The following COL25A1 variants were observed in gnomAD, a reference collection of about 807,000 sequenced individuals.
The protein encoded by COL25A1 is collagen alpha-1(XXV) chain.
A neutral mutation model predicts 128.4 loss-of-function variants in COL25A1; 103 were observed. The ratio of observed to expected loss-of-function variants is 0.80; its 90% CI spans 0.68 to 0.94. The LOEUF is 0.94. Ranked by LOEUF, COL25A1 falls within the 40% of genes least tolerant of loss-of-function variation. The probability of loss-of-function intolerance (pLI) is 0.00; values close to 1 mark genes in which losing one functional copy is unlikely to be tolerated. For synonymous variants in COL25A1, 279 were observed against 277.2 expected (o/e 1.01, Z -0.06); for missense variants, 745 against 840.0 (o/e 0.89, Z 1.40).
chr4:109,025,226 G>A (rs1193916368), intron 5 of COL25A1, among the ~76,000 whole-genome samples: 1 of 152,164 alleles, frequency 6.6e-6, no homozygotes, highest in Non-Finnish European at 1.5e-5. Flanking sequence ...TGTTTAGTAG[G>A]ATACAATAAA....
In COL25A1 at chr4:109,148,741, C is replaced by G. The variant is rs74838718; in HGVS notation, c.368-98562G>C. 1.4e-4 allele frequency among the ~76,000 whole-genome samples: 21 copies of G among 152,282 alleles called. No individual in the cohort carries two copies. The East Asian group carries it at 3.9e-3, about 28-fold the overall frequency. On this transcript the variant is annotated intron_variant, in intron 3 of 37. Transcript: ENST00000399132. Reference sequence around the variant, plus strand: ...CTTATCGCCACCCTTCAGATGTTTCCATGGCCTTTCCCACTCTGGCTTTAA... The same window carrying G: ...CTTATCGCCACCCTTCAGATGTTTCGATGGCCTTTCCCACTCTGGCTTTAA...
At chr4:109,170,118 T>C (rs986338123) in intron 3 of COL25A1, among the ~76,000 whole-genome samples, 13 of 152,114 alleles carry the variant, frequency 8.5e-5, no homozygotes, top group Non-Finnish European at 1.6e-4. Flanking sequence ...GTTCCATAAA[T>C]TTTATTGAAT....
intron 11 of COL25A1, among the ~76,000 whole-genome samples, chr4:108,927,733 T>A (rs1338097713): frequency 6.6e-6 from 1 of 152,184 alleles, no homozygotes; most frequent in Non-Finnish European, 1.5e-5. Context: ...GAGGAAAATA[T>A]TAAGCCAGGA....
intron 11 of COL25A1, among the ~76,000 whole-genome samples, chr4:108,921,811 T>C (rs904560417): frequency 6.6e-6 from 1 of 152,204 alleles, no homozygotes; most frequent in Non-Finnish European, 1.5e-5. Flanking sequence ...TTTAATTTAC[T>C]CAACCAACTG....
rs371318504 is a variant in COL25A1, at chr4:108,943,983, T to C, written c.493-2546A>G. 2.5e-3 allele frequency among the ~76,000 whole-genome samples: 384 copies of C among 152,324 alleles called. 3 individuals are homozygous for C. Among genetic ancestry groups the C allele is most frequent in the African/African-American group, 8.7e-3 (361 of 41,550 alleles). ...TCTACATTTTCTACATTTTTAATTT[T>C]ATTAGTTTCATGAATATTTCACCCC... On this transcript the variant is annotated intron_variant, in intron 8 of 37. Coordinates refer to ENST00000399132, the MANE Select transcript of COL25A1 (RefSeq NM_198721.4).
chr4:109,187,070 AT>A (rs986452805), intron 3 of COL25A1, among the ~76,000 whole-genome samples: 7 of 152,210 alleles, frequency 4.6e-5, no homozygotes, highest in Non-Finnish European at 1.0e-4. Flanking sequence ...AAGGCAAATG[AT>A]TTAAATTATT....
chr4:108,941,441 A>G lies in COL25A1; in HGVS notation c.493-4T>C, dbSNP rs764633158. On this transcript the variant is annotated splice_polypyrimidine_tract_variant and splice_region_variant and intron_variant, in intron 8 of 37. Transcript: ENST00000399132. Reference sequence around the variant, plus strand: ...GATTGATTTTAGGAAACACCATCTGATCAGTCAGTTGAGGTCAAAGGTTGA... The same window carrying G: ...GATTGATTTTAGGAAACACCATCTGGTCAGTCAGTTGAGGTCAAAGGTTGA... 2.2e-5 allele frequency: 35 copies of G among 1,613,128 alleles called. No homozygotes were observed. Among genetic ancestry groups the G allele is most frequent in the Middle Eastern group, 1.6e-4 (1 of 6,082 alleles).
chr4:108,987,666 G>A (rs922991030), intron 6 of COL25A1, among the ~76,000 whole-genome samples: 9 of 152,168 alleles, frequency 5.9e-5, no homozygotes, highest in Admixed American at 2.6e-4. Context: ...GAGCCACCGC[G>A]CCCGGCCGTG....
chr4:108,891,626 T>C (rs1479047436), intron 16 of COL25A1, among the ~76,000 whole-genome samples: 2 of 152,132 alleles, frequency 1.3e-5, no homozygotes, highest in African/African-American at 2.4e-5. Context: ...CAGATATTAC[T>C]ATTTCCATTT....
intron 4 of COL25A1, 23 bp downstream of exon 4, chr4:109,050,112 G>C (rs200040410): frequency 1.1e-4 from 178 of 1,602,928 alleles, no homozygotes; most frequent in Non-Finnish European, 1.5e-4. Flanking sequence ...GAGTGACACA[G>C]AGCAGCTGAA....
rs10567518 is a variant in COL25A1 at position 108,822,043 on chromosome 4, AT to A, written c.1845+2130del. On this transcript the variant is annotated intron_variant, in intron 35 of 37. Coordinates refer to ENST00000399132, the MANE Select transcript of COL25A1 (RefSeq NM_198721.4). ...AAACGTGAGTATCCTCCTAATGGTA[AT>A]TTTTTTTTTTTTTTTTGGGACAGGG... Among the ~76,000 whole-genome samples, 9 of 89,962 alleles carry A rather than the reference AT, an allele frequency of 1.0e-4. 1 individual carries two copies. The highest frequency in any genetic ancestry group is 2.5e-4 in the African/African-American group (6 of 23,732). The allele number at this position is 89,962 out of a possible 152,430, so 59.0% of individuals were successfully genotyped here.
At chr4:108,968,444 G>A (rs1407128705) in intron 8 of COL25A1, among the ~76,000 whole-genome samples, 7 of 151,612 alleles carry the variant, frequency 4.6e-5, no homozygotes, top group Admixed American at 4.6e-4. Flanking sequence ...TCATCCCTGA[G>A]GCTCTCTTTT....
At chr4:108,835,981 C>T (rs1733763203) in intron 31 of COL25A1, among the ~76,000 whole-genome samples, 1 of 147,854 alleles carries the variant, frequency 6.8e-6, no homozygotes. Flanking sequence ...ATGCCATTCT[C>T]CTGCCTCAGC....
chr4:108,887,608 C>A (rs534700250), intron 18 of COL25A1, among the ~76,000 whole-genome samples: 5 of 152,234 alleles, frequency 3.3e-5, no homozygotes, highest in African/African-American at 1.2e-4. Context: ...CCCCTTCTCT[C>A]AATATAGTTT....
intron 8 of COL25A1, among the ~76,000 whole-genome samples, chr4:108,958,721 T>C (rs1413454812): frequency 2.6e-5 from 4 of 151,988 alleles, no homozygotes; most frequent in Non-Finnish European, 4.4e-5. Context: ...ACAACTGTGC[T>C]AACTTTCTAA....
At chr4:109,088,631 T>C (rs1265202177) in intron 3 of COL25A1, among the ~76,000 whole-genome samples, 1 of 152,184 alleles carries the variant, frequency 6.6e-6, no homozygotes, top group African/African-American at 2.4e-5. Context: ...ATGATAACGA[T>C]CAATTAGCAA....
At chr4:109,278,631 C>T (rs554950229) in intron 3 of COL25A1, among the ~76,000 whole-genome samples, 1 of 152,216 alleles carries the variant, frequency 6.6e-6, no homozygotes, top group South Asian at 2.1e-4. Flanking sequence ...GAAATTGCCT[C>T]CTGTTAATGA....
chr4:109,163,291 A>G (rs1772755162), intron 3 of COL25A1, among the ~76,000 whole-genome samples: 2 of 152,232 alleles, frequency 1.3e-5, no homozygotes, highest in Non-Finnish European at 2.9e-5. Context: ...AGCAAGGTTT[A>G]GAGATGTGTA....
At chr4:108,836,533 TA>T (rs1733835952) in intron 31 of COL25A1, among the ~76,000 whole-genome samples, 1 of 151,920 alleles carries the variant, frequency 6.6e-6, no homozygotes, top group African/African-American at 2.4e-5. Flanking sequence ...CCAATCTCTA[TA>T]AAATATTTTT....
Sources: allele counts gnomAD v4.1 joint callset (sites outside exome capture counted in the v4.1 genomes callset), GRCh38; gene constraint gnomAD v4.1.1; transcripts MANE v1.5; gene names NCBI Gene and HGNC (gene_info 2026-07-23, HGNC 2026-07-21).